Variants in FTCDNL1 observed in about 807,000 individuals in gnomAD.
FTCDNL1 encodes formiminotransferase N-terminal subdomain-containing protein.
In FTCDNL1, 11 loss-of-function variants were observed where a neutral mutation model predicts 5.9. The ratio of observed to expected loss-of-function variants is 1.87; its 90% CI spans 1.18 to 3.10. The LOEUF is 3.10. FTCDNL1 is among the 30% of genes most tolerant of loss of function. The pLI, the probability that FTCDNL1 is intolerant of heterozygous loss-of-function variation, is 0.00. For missense variants in FTCDNL1, 115 were observed against 65.5 expected, an observed-to-expected ratio of 1.76 and a Z score of -2.61; for synonymous variants, 58 against 24.8, an observed-to-expected ratio of 2.34 and a Z score of -3.99.
At chr2:199,720,761 G>T in the FTCDNL1 span, among the ~76,000 whole-genome samples, 1 of 151,856 alleles carries the variant, frequency 6.6e-6, no homozygotes. Flanking sequence ...TTCAAGTAAG[G>T]TCACATTCAC....
intron 3 of FTCDNL1, among the ~76,000 whole-genome samples, chr2:199,820,780 G>A (rs1473832716): frequency 6.6e-6 from 1 of 152,060 alleles, no homozygotes; most frequent in Non-Finnish European, 1.5e-5. Flanking sequence ...CTCCTTCACC[G>A]GACCTCTGCT....
At chr2:199,824,645 C>T (rs1364418908) in intron 3 of FTCDNL1, among the ~76,000 whole-genome samples, 1 of 152,078 alleles carries the variant, frequency 6.6e-6, no homozygotes, top group Non-Finnish European at 1.5e-5. Context: ...ACTTAAAGGC[C>T]ATTGTTGGGT....
At chr2:199,682,555 T>A in the FTCDNL1 span, among the ~76,000 whole-genome samples, 3 of 152,194 alleles carry the variant, frequency 2.0e-5, no homozygotes, top group Admixed American at 2.0e-4. Context: ...TTTTACATAC[T>A]GTTCTATCAG....
chr2:199,722,077 G>C, the FTCDNL1 span, among the ~76,000 whole-genome samples: 1 of 152,140 alleles, frequency 6.6e-6, no homozygotes, highest in Non-Finnish European at 1.5e-5. Flanking sequence ...TCTGTAGGTT[G>C]CCTGTTCACT....
downstream of FTCDNL1, among the ~76,000 whole-genome samples, chr2:199,805,803 C>T (rs1700695612): frequency 6.6e-6 from 1 of 151,610 alleles, no homozygotes; most frequent in Non-Finnish European, 1.5e-5. Context: ...CCTGTAGTCC[C>T]AGCTACTTGG....
At chr2:199,776,740 T>G (rs1699092256) in intron 3 of FTCDNL1, among the ~76,000 whole-genome samples, 2 of 152,120 alleles carry the variant, frequency 1.3e-5, no homozygotes, top group South Asian at 4.1e-4. Flanking sequence ...TGATTCCACA[T>G]ACAACACTAA....
At chr2:199,694,701 G>T in the FTCDNL1 span, among the ~76,000 whole-genome samples, 1 of 152,074 alleles carries the variant, frequency 6.6e-6, no homozygotes. Flanking sequence ...GGGCATTGTG[G>T]CATGTGCTTG....
At chr2:199,765,533 T>TAC (rs1698476085) in intron 3 of FTCDNL1, among the ~76,000 whole-genome samples, 2 of 73,636 alleles carry the variant, frequency 2.7e-5, no homozygotes, top group African/African-American at 8.0e-5. Context: ...TTGTCTTCAT[T>TAC]ATATATATAT....
rs974603388 is a variant in FTCDNL1, at chr2:199,819,537, A to G, written c.397+35T>C. The G allele has an allele frequency of 4.4e-5, 30 of 683,220 alleles. No homozygotes were observed. Among genetic ancestry groups the G allele is most frequent in the Non-Finnish European group, 6.8e-5 (26 of 379,576 alleles). The allele number at this position is 683,220 out of a possible 1,614,324, so 42.3% of individuals were successfully genotyped here. The stretch of plus-strand genomic sequence containing the variant: ...GGGGACCTCAAGTTTAAAAAAAAAA[A>G]AAAAACAGAGCAAAGCAAAAACCAT... On this transcript the variant is annotated intron_variant, in intron 4 of 4. Transcript: ENST00000420128.
intron 3 of FTCDNL1, chr2:199,760,965 C>A (rs2106242498): frequency 1.5e-6 from 1 of 676,708 alleles, no homozygotes; most frequent in Admixed American, 2.0e-5. Context: ...TGGCAGCTGT[C>A]TTCCAAGGCT....
chr2:199,845,470 C>A (rs1026887131), intron 3 of FTCDNL1, among the ~76,000 whole-genome samples: 4 of 151,920 alleles, frequency 2.6e-5, no homozygotes, highest in Non-Finnish European at 5.9e-5. Flanking sequence ...ACAAAGGAGG[C>A]TGAAGCATGG....
At chr2:199,786,792 A>G (rs745379997) in intron 3 of FTCDNL1, among the ~76,000 whole-genome samples, 12 of 152,208 alleles carry the variant, frequency 7.9e-5, no homozygotes, top group Non-Finnish European at 7.3e-5. Flanking sequence ...ACTTGCTGTG[A>G]CAAGTTGCTA....
the FTCDNL1 span, among the ~76,000 whole-genome samples, chr2:199,747,257 T>C: frequency 1.3e-5 from 2 of 152,172 alleles, no homozygotes; most frequent in Non-Finnish European, 1.5e-5. Flanking sequence ...GCTCAAATGT[T>C]CGAAAATTCA....
chr2:199,756,783 A>G (rs1409723542), downstream of FTCDNL1, among the ~76,000 whole-genome samples: 1 of 152,228 alleles, frequency 6.6e-6, no homozygotes, highest in Non-Finnish European at 1.5e-5. Flanking sequence ...CATGTTGCAC[A>G]TGCATCCAGG....
Position 199,817,101 on chromosome 2 carries a change from T to C in FTCDNL1, c.397+2471A>G, listed in dbSNP as rs531854664. ...ATGCTTGAGTATGCCATAGTTTACA[T>C]AAACATACCCAAATAGCAAACATTT... On this transcript the variant is annotated intron_variant, in intron 4 of 4. Transcript: ENST00000420128. Among the ~76,000 whole-genome samples, 238 of 152,348 alleles carry C rather than the reference T, an allele frequency of 1.6e-3. 2 individuals are homozygous for C. The highest frequency in any genetic ancestry group is 5.3e-3 in the African/African-American group (222 of 41,584).
chr2:199,804,889 C>G (rs1700645399), downstream of FTCDNL1, among the ~76,000 whole-genome samples: 1 of 152,158 alleles, frequency 6.6e-6, no homozygotes, highest in African/African-American at 2.4e-5. Flanking sequence ...AAAAGCAAAA[C>G]AGAGAACAAG....
the FTCDNL1 span, among the ~76,000 whole-genome samples, chr2:199,742,331 G>C: frequency 2.0e-4 from 31 of 152,032 alleles, 1 homozygote; most frequent in African/African-American, 7.0e-4. Flanking sequence ...ATACCAATGT[G>C]GGGTGGGGGG....
the FTCDNL1 span, among the ~76,000 whole-genome samples, chr2:199,749,138 T>C: frequency 1.3e-5 from 2 of 152,170 alleles, no homozygotes; most frequent in Non-Finnish European, 2.9e-5. Context: ...ATCTTAGATA[T>C]TGTCTCCTAA....
chr2:199,745,990 A>G, the FTCDNL1 span, among the ~76,000 whole-genome samples: 4 of 152,224 alleles, frequency 2.6e-5, no homozygotes, highest in African/African-American at 7.2e-5. Flanking sequence ...TTAAATATAA[A>G]TGATTCCACA....
Sources: gnomAD v4.1 joint callset for allele counts (sites outside exome capture counted in the v4.1 genomes callset) on GRCh38, gnomAD v4.1.1 for gene constraint, MANE v1.5 for transcripts, NCBI Gene and HGNC (gene_info 2026-07-23, HGNC 2026-07-21) for gene names.